The following RBFOX1 variants were observed in gnomAD, a reference collection of about 807,000 sequenced individuals.
RBFOX1 encodes RNA binding fox-1 homolog 1, also known as RNA binding protein fox-1 homolog 1.
A neutral mutation model predicts 57.7 loss-of-function variants in RBFOX1; 8 were observed. That is an observed-to-expected ratio of 0.14 (90% confidence interval 0.08 to 0.25). The LOEUF (loss-of-function observed/expected upper bound fraction) is 0.25, where lower values mean the gene tolerates loss of function less well. Among genes scored for constraint, RBFOX1 ranks in the 10% least tolerant of loss-of-function variants. RBFOX1 has a pLI of 1.00. For missense variants in RBFOX1, 611 were observed against 548.5 expected, an observed-to-expected ratio of 1.11 and a Z score of -1.14; for synonymous variants, 326 against 222.4, an observed-to-expected ratio of 1.47 and a Z score of -4.15.
intron 2 of RBFOX1, among the ~76,000 whole-genome samples, chr16:6,333,903 C>T (rs1057186064): frequency 6.6e-6 from 1 of 152,110 alleles, no homozygotes; most frequent in Non-Finnish European, 1.5e-5. Flanking sequence ...GAAAGCCACC[C>T]TATGCTAACT....
intron 3 of RBFOX1, among the ~76,000 whole-genome samples, chr16:6,888,931 A>G (rs987605486): frequency 6.6e-6 from 1 of 152,122 alleles, no homozygotes; most frequent in Non-Finnish European, 1.5e-5. Flanking sequence ...GCAGATAGAA[A>G]CCTTTAATCA....
intron 3 of RBFOX1, among the ~76,000 whole-genome samples, chr16:5,692,211 GTGTT>G (rs2050709770): frequency 7.5e-6 from 1 of 132,622 alleles, no homozygotes; most frequent in Non-Finnish European, 1.6e-5. Context: ...GTGTGTGTGT[GTGTT>G]TGTGTTTCAC....
At chr16:5,553,590 T>A (rs9936124) in intron 2 of RBFOX1, among the ~76,000 whole-genome samples, 1 of 151,454 alleles carries the variant, frequency 6.6e-6, no homozygotes, top group Non-Finnish European at 1.5e-5. Context: ...GCTGGGATTA[T>A]GGGCGTGAGC....
chr16:6,871,704 C>A (rs549048687), intron 3 of RBFOX1, among the ~76,000 whole-genome samples: 1 of 152,142 alleles, frequency 6.6e-6, no homozygotes, highest in South Asian at 2.1e-4. Context: ...AATCTATTCT[C>A]CATATACCAG....
At chr16:7,319,699 A>T (rs539147250) in intron 4 of RBFOX1, among the ~76,000 whole-genome samples, 87 of 152,266 alleles carry the variant, frequency 5.7e-4, no homozygotes, top group African/African-American at 1.8e-3. Flanking sequence ...AGGGTTCCTT[A>T]CTTAGCAATT....
chr16:7,021,137 GT>G (rs1597217914), intron 3 of RBFOX1, among the ~76,000 whole-genome samples: 1 of 151,932 alleles, frequency 6.6e-6, no homozygotes, highest in Non-Finnish European at 1.5e-5. Flanking sequence ...CAAAAAAATT[GT>G]TTTTTGTTGA....
chr16:6,005,822 G>T (rs919880856), intron 4 of RBFOX1, among the ~76,000 whole-genome samples: 1 of 152,228 alleles, frequency 6.6e-6, no homozygotes, highest in African/African-American at 2.4e-5. Flanking sequence ...AATGGCATTT[G>T]AGCTGGGTCT....
chr16:5,782,008 C>T (rs1308768065), intron 3 of RBFOX1, among the ~76,000 whole-genome samples: 2 of 152,230 alleles, frequency 1.3e-5, no homozygotes, highest in South Asian at 4.1e-4. Flanking sequence ...GAGTTCAAGA[C>T]CAGCCTGGGC....
At chr16:7,529,598 C>A (rs2152352172) in intron 5 of RBFOX1, among the ~76,000 whole-genome samples, 1 of 152,230 alleles carries the variant, frequency 6.6e-6, no homozygotes, top group Non-Finnish European at 1.5e-5. Flanking sequence ...TTAAGAATAG[C>A]AGCAATTTTT....
At chr16:6,134,683 A>ATTTTTTTT (rs61209958) in intron 1 of RBFOX1, among the ~76,000 whole-genome samples, 2 of 143,462 alleles carry the variant, frequency 1.4e-5, no homozygotes, top group African/African-American at 5.2e-5. Context: ...AACTCAGAGT[A>ATTTTTTTT]TTTTTTTTTT....
Position 6,259,410 on chromosome 16 carries a change from C to G in RBFOX1, c.-126-57585C>G, listed in dbSNP as rs183393253. ...CTAAGCAAGTGAAATAAGCTGCCTTCTTGGTCAGTGGAGACAGATATTTTC... is the reference window on the plus strand; with the variant it reads ...CTAAGCAAGTGAAATAAGCTGCCTTGTTGGTCAGTGGAGACAGATATTTTC... On this transcript the variant is annotated intron_variant, in intron 1 of 15. Transcript: ENST00000550418. 4.1e-3 allele frequency among the ~76,000 whole-genome samples: 624 copies of G among 152,206 alleles called. 2 individuals are homozygous for G. The highest frequency in any genetic ancestry group is 0.01 in the Middle Eastern group (3 of 294).
intron 2 of RBFOX1, among the ~76,000 whole-genome samples, chr16:5,528,895 C>T (rs922157119): frequency 1.3e-5 from 2 of 152,156 alleles, no homozygotes; most frequent in Non-Finnish European, 2.9e-5. Flanking sequence ...AGTGATCCAT[C>T]TGCTTCGGCC....
chr16:6,007,718 A>G (rs565543431), intron 4 of RBFOX1, among the ~76,000 whole-genome samples: 1 of 152,308 alleles, frequency 6.6e-6, no homozygotes, highest in African/African-American at 2.4e-5. Flanking sequence ...ATTGATTATA[A>G]ACAGCAGCCC....
chr16:6,917,427 T>C (rs1379120234), intron 3 of RBFOX1, among the ~76,000 whole-genome samples: 5 of 152,236 alleles, frequency 3.3e-5, no homozygotes, highest in Admixed American at 3.3e-4. Context: ...ACAAGTGCTT[T>C]TGTCCTTGAT....
rs536162480 is a variant in RBFOX1 at position 6,230,489 on chromosome 16, A to G, written c.-126-86506A>G. On this transcript the variant is annotated intron_variant, in intron 1 of 15. Coordinates refer to ENST00000550418, the MANE Select transcript of RBFOX1 (RefSeq NM_018723.4). ...ACTTTTGCTTTTAACCTGGTAGTGT[A>G]TTAGTCAGTGTCTGCTGCATCAAAC... 1.9e-3 allele frequency among the ~76,000 whole-genome samples: 290 copies of G among 152,230 alleles called. 1 individual carries two copies. Among genetic ancestry groups the G allele is most frequent in the African/African-American group, 6.6e-3 (275 of 41,550 alleles).
At chr16:6,902,627 A>T (rs2068766239) in intron 3 of RBFOX1, among the ~76,000 whole-genome samples, 1 of 152,230 alleles carries the variant, frequency 6.6e-6, no homozygotes, top group Non-Finnish European at 1.5e-5. Context: ...GAGGCTCAGA[A>T]AGGAGAATTG....
At chr16:6,842,033 C>T (rs2093494149) in intron 3 of RBFOX1, among the ~76,000 whole-genome samples, 1 of 151,622 alleles carries the variant, frequency 6.6e-6, no homozygotes, top group East Asian at 1.9e-4. Flanking sequence ...GTCCCAGCTA[C>T]ACGGGAGGCT....
At chr16:5,510,132 G>A (rs1427760559) in intron 2 of RBFOX1, among the ~76,000 whole-genome samples, 1 of 152,248 alleles carries the variant, frequency 6.6e-6, no homozygotes, top group Non-Finnish European at 1.5e-5. Context: ...TACGAGCTGT[G>A]TAACTGGGGC....
intron 1 of RBFOX1, among the ~76,000 whole-genome samples, chr16:5,315,666 G>A (rs1474301114): frequency 6.6e-6 from 1 of 152,200 alleles, no homozygotes; most frequent in Non-Finnish European, 1.5e-5. Context: ...ATTAATTTAA[G>A]CCATTTTAAA....
Sources: allele counts gnomAD v4.1 joint callset (sites outside exome capture counted in the v4.1 genomes callset), GRCh38; gene constraint gnomAD v4.1.1; transcripts MANE v1.5; gene names NCBI Gene and HGNC (gene_info 2026-07-23, HGNC 2026-07-21).